Variants in NEDD9 observed in about 807,000 individuals in gnomAD.
The protein encoded by NEDD9 is neural precursor cell expressed, developmentally down-regulated 9, also known as enhancer of filamentation 1.
NEDD9 carries 26 observed loss-of-function variants against 76.6 expected under a neutral mutation model. That is an observed-to-expected ratio of 0.34 (90% confidence interval 0.25 to 0.47). The LOEUF is 0.47. Ranked by LOEUF, NEDD9 falls within the 20% of genes least tolerant of loss-of-function variation. NEDD9 has a pLI of 1.00. For missense variants in NEDD9, 937 were observed against 1,058.5 expected (o/e 0.89, Z 1.59); for synonymous variants, 392 against 414.2 (o/e 0.95, Z 0.65).
At chr6:11,272,816 C>T (rs1156792870) in intron 3 of NEDD9, among the ~76,000 whole-genome samples, 1 of 152,206 alleles carries the variant, frequency 6.6e-6, no homozygotes, top group Non-Finnish European at 1.5e-5. Flanking sequence ...ATCCTGGTCA[C>T]ACTTCATTGC....
intron 3 of NEDD9, among the ~76,000 whole-genome samples, chr6:11,302,276 T>A (rs1761068444): frequency 6.6e-6 from 1 of 152,110 alleles, no homozygotes; most frequent in African/African-American, 2.4e-5. Context: ...AAGAAATGGA[T>A]AAATTCCTGG....
At chr6:11,277,645 T>TA (rs1421367169) in intron 3 of NEDD9, among the ~76,000 whole-genome samples, 1 of 152,158 alleles carries the variant, frequency 6.6e-6, no homozygotes, top group East Asian at 1.9e-4. Flanking sequence ...TAGGACATCT[T>TA]AAAAAATTGG....
Position 11,214,349 on chromosome 6 carries a change from C to T in NEDD9, c.13-622G>A, listed in dbSNP as rs536539415. ...ATGCCATCAAGCGTGGAGCATAGGC[C>T]AGCAGCCATATACATCTCCAGCTTT... On this transcript the variant is annotated intron_variant, in intron 1 of 6. Transcript: ENST00000379446. 94 of 365,640 alleles carry T rather than the reference C, an allele frequency of 2.6e-4. 2 individuals carry two copies. The highest frequency in any genetic ancestry group is 7.5e-4 in the Middle Eastern group (2 of 2,650). 22.6% of individuals were successfully genotyped at this position (365,640 alleles called of 1,614,324 possible).
intron 1 of NEDD9, among the ~76,000 whole-genome samples, chr6:11,362,090 G>A (rs1253772616): frequency 2.0e-4 from 30 of 152,184 alleles, no homozygotes; most frequent in Admixed American, 1.9e-3. Context: ...GTGATAGGAG[G>A]GGAGGGCTTT....
Position 11,312,108 on chromosome 6 carries a change from G to A in NEDD9, c.-152-5953C>T, listed in dbSNP as rs1431945138. Among the ~76,000 whole-genome samples the A allele has an allele frequency of 2.6e-5, 4 of 151,974 alleles. No homozygotes were observed. The East Asian group carries it at 5.8e-4, about 22-fold the overall frequency. Reference sequence around the variant, plus strand: ...ACTTCAGTTTCCACCTACAGCTTCAGGACTCCTGAACCTGTCTCTCCAGCC... The same window carrying A: ...ACTTCAGTTTCCACCTACAGCTTCAAGACTCCTGAACCTGTCTCTCCAGCC... On this transcript the variant is annotated intron_variant, in intron 2 of 3. Coordinates refer to the NEDD9 transcript ENST00000397378.
chr6:11,361,857 C>T (rs1327106861), intron 1 of NEDD9, among the ~76,000 whole-genome samples: 5 of 152,118 alleles, frequency 3.3e-5, no homozygotes, highest in African/African-American at 1.2e-4. Context: ...CTGAGATGGG[C>T]TGGGGTGTTC....
In NEDD9 at chr6:11,340,413, T is replaced by A. The variant is rs191137233; in HGVS notation, c.-213-5852A>T. 2.0e-3 allele frequency among the ~76,000 whole-genome samples: 308 copies of A among 152,242 alleles called. 2 individuals carry two copies. The highest frequency in any genetic ancestry group is 6.9e-3 in the African/African-American group (288 of 41,536). On this transcript the variant is annotated intron_variant, in intron 1 of 3. Transcript: ENST00000397378. ...GAACGCTTACTTCATATGCACCAGG[T>A]ATAATTTAGAGAATTTGACAGGAAT...
intron 3 of NEDD9, among the ~76,000 whole-genome samples, chr6:11,257,567 C>T (rs1760027716): frequency 6.6e-6 from 1 of 152,222 alleles, no homozygotes; most frequent in Non-Finnish European, 1.5e-5. Flanking sequence ...CCATTCTAGA[C>T]ACTGCTCCTT....
chr6:11,371,181 C>T (rs372916278), intron 1 of NEDD9, among the ~76,000 whole-genome samples: 1 of 152,124 alleles, frequency 6.6e-6, no homozygotes, highest in East Asian at 1.9e-4. Flanking sequence ...TCCCATATAC[C>T]TCCTGCTCCC....
intron 1 of NEDD9, among the ~76,000 whole-genome samples, chr6:11,376,513 T>C (rs1762971280): frequency 6.6e-6 from 1 of 152,204 alleles, no homozygotes; most frequent in South Asian, 2.1e-4. Context: ...TCTAGGGATC[T>C]GTGGAAGTTT....
intron 3 of NEDD9, among the ~76,000 whole-genome samples, chr6:11,246,180 G>A (rs190708889): frequency 1.3e-5 from 2 of 152,228 alleles, no homozygotes; most frequent in East Asian, 3.9e-4. Flanking sequence ...ATTCCAAGAG[G>A]GAGCTTACAG....
intron 6 of NEDD9, among the ~76,000 whole-genome samples, chr6:11,186,863 G>A (rs375092590): frequency 2.9e-4 from 44 of 152,240 alleles, no homozygotes; most frequent in South Asian, 1.0e-3. Context: ...TGATCCGCCC[G>A]TCTCGGCCTC....
In NEDD9 at chr6:11,213,415, G is replaced by A; in HGVS notation, c.325C>T (p.Pro109Ser). 1 of 1,614,006 alleles carries A rather than the reference G, an allele frequency of 6.2e-7. No individual in the cohort carries two copies. The highest frequency in any genetic ancestry group is 8.5e-7 in the Non-Finnish European group (1 of 1,180,020). Residue 109 changes from proline (P) to serine (S), a missense_variant, in exon 2 of 7, where the codon CCA becomes TCA. Pro to Ser is a moderately conservative substitution (Grantham distance 74). Transcript: ENST00000379446. The surrounding 1 kb of genome is among the most constrained non-coding windows in gnomAD (Gnocchi z 5.4). Reference sequence around the variant, plus strand: ...ATTCCCTGATTTTGGTAGGAAGGTGGCACTTGGTAGATGGTGTCTCGGGGA... The same window carrying A: ...ATTCCCTGATTTTGGTAGGAAGGTGACACTTGGTAGATGGTGTCTCGGGGA... ...AAPRDTIYQV[P>S]PSYQNQGIYQ...
chr6:11,254,446 G>T (rs1047775218), intron 3 of NEDD9, among the ~76,000 whole-genome samples: 2 of 152,068 alleles, frequency 1.3e-5, no homozygotes, highest in Admixed American at 1.3e-4. Flanking sequence ...ATAACTGGGA[G>T]CCCTGTATTT....
At chr6:11,351,762 T>C (rs1762476898) in intron 1 of NEDD9, among the ~76,000 whole-genome samples, 1 of 152,248 alleles carries the variant, frequency 6.6e-6, no homozygotes, top group East Asian at 1.9e-4. Flanking sequence ...TTTCTCTGGT[T>C]CTTCATTTCC....
chr6:11,270,367 CTT>C (rs34680497), intron 3 of NEDD9, among the ~76,000 whole-genome samples: 1,844 of 139,760 alleles, frequency 0.013, 29 homozygotes, highest in African/African-American at 0.042. Context: ...TCCCCTCAAC[CTT>C]TTTTTTTTTT....
At chr6:11,321,573 C>T (rs1417426548) in intron 2 of NEDD9, among the ~76,000 whole-genome samples, 1 of 152,194 alleles carries the variant, frequency 6.6e-6, no homozygotes, top group Non-Finnish European at 1.5e-5. Flanking sequence ...TCAGTCATTC[C>T]TTTCCCTTCA....
intron 3 of NEDD9, among the ~76,000 whole-genome samples, chr6:11,278,430 G>T (rs1051929675): frequency 6.6e-6 from 1 of 152,166 alleles, no homozygotes; most frequent in Non-Finnish European, 1.5e-5. Context: ...ACAGAGTTGA[G>T]GTTTGAACCT....
At chr6:11,209,789 A>G (rs1237105611) in intron 2 of NEDD9, among the ~76,000 whole-genome samples, 2 of 152,160 alleles carry the variant, frequency 1.3e-5, no homozygotes, top group African/African-American at 2.4e-5. Context: ...TCTCTCCACA[A>G]TTCTCACACT....
Sources: gnomAD v4.1 joint callset for allele counts (sites outside exome capture counted in the v4.1 genomes callset) on GRCh38, gnomAD v4.1.1 for gene constraint, Gnocchi (gnomAD v3.1) non-coding constraint, MANE v1.5 for transcripts, NCBI Gene and HGNC (gene_info 2026-07-23, HGNC 2026-07-21) for gene names.